Variants in C8orf58 observed in about 807,000 individuals in gnomAD.
C8orf58 encodes the protein uncharacterized protein C8orf58.
Under a neutral mutation model 36.8 loss-of-function variants are expected in C8orf58, and 31 were observed. The observed-to-expected ratio is 0.84, with a 90% CI of 0.63 to 1.14. The LOEUF (loss-of-function observed/expected upper bound fraction) is 1.14. C8orf58 is among the 50% of genes most tolerant of loss of function. The pLI is 0.00. For missense variants in C8orf58, 538 were observed against 480.8 expected, an observed-to-expected ratio of 1.12 and a Z score of -1.11; for synonymous variants, 230 against 200.2, an observed-to-expected ratio of 1.15 and a Z score of -1.26.
chr8:22,600,967 G>C lies in C8orf58; in HGVS notation c.126G>C (p.Gly42=), dbSNP rs1274120041. 1 of 1,612,712 alleles carries C rather than the reference G, an allele frequency of 6.2e-7. No individual in the cohort carries two copies. The highest frequency in any genetic ancestry group is 2.2e-5 in the East Asian group (1 of 44,892). Residue 42 remains glycine, a synonymous_variant, in exon 2 of 7, where the codon GGG becomes GGC. Coordinates refer to ENST00000289989, the MANE Select transcript of C8orf58 (RefSeq NM_001013842.3). The stretch of plus-strand genomic sequence containing the variant: ...GACGGATCCCCGACGCTGCCCACGG[G>C]TGCTCATCCTGGGAGAGAGGTGACA... ...TYRRIPDAAH[G]CSSWERGDKF...
rs1800926584 is a variant in C8orf58, at chr8:22,603,231, C to G, written c.1023C>G (p.Cys341Trp). 6.2e-7 allele frequency: 1 copy of G among 1,613,942 alleles called. No individual in the cohort carries two copies. Residue 341 changes from cysteine (C) to tryptophan (W), a missense_variant, in exon 7 of 7, where the codon TGC (cysteine) becomes TGG (tryptophan). Physicochemically the swap from Cys to Trp is radical, Grantham distance 215. Transcript: ENST00000289989. ...GGGACCTCCCTGAAAGGCCTCAGTG[C>G]CGCCCCCACCGGAAGACCTTTATGC... is the stretch of plus-strand genomic sequence containing the variant. ...ESRDLPERPQ[C>W]RPHRKTFMPS...
rs1434108485 is a variant in C8orf58 at position 22,603,351 on chromosome 8, G to A, written c.*45G>A. 1 of 1,375,276 alleles carries A rather than the reference G, an allele frequency of 7.3e-7. No homozygotes were observed. Among genetic ancestry groups the A allele is most frequent in the Non-Finnish European group, 1.0e-6 (1 of 962,742 alleles). 85.2% of individuals were successfully genotyped at this position (1,375,276 alleles called of 1,614,324 possible). A position where few individuals can be genotyped will look rare whatever the true frequency, so the allele number is the denominator to read the frequency against. On this transcript the variant is annotated 3_prime_UTR_variant, in exon 7 of 7. Coordinates refer to ENST00000289989, the MANE Select transcript of C8orf58 (RefSeq NM_001013842.3). The stretch of plus-strand genomic sequence containing the variant: ...TGACCCTGGGTGGAGGGGACTTGCT[G>A]TGAAGTCTTCCTCGCCCTCTGCCCT...
rs1330675595 is a variant in C8orf58, at chr8:22,600,949, C to T, written c.108C>T (p.Ile36=). Residue 36 remains isoleucine, a synonymous_variant, in exon 2 of 7, where the codon ATC becomes ATT. Transcript: ENST00000289989. ...GAGTCACCAGCACCTACAGACGGAT[C>T]CCCGACGCTGCCCACGGGTGCTCAT... is the stretch of plus-strand genomic sequence containing the variant. ...VPGVTSTYRR[I]PDAAHGCSSW... 1.9e-6 allele frequency: 3 copies of T among 1,612,484 alleles called. No homozygotes were observed. The highest frequency in any genetic ancestry group is 1.1e-5 in the South Asian group (1 of 91,052).
Position 22,602,675 on chromosome 8 carries a change from C to T in C8orf58, c.986+32C>T, listed in dbSNP as rs764127205. The T allele has an allele frequency of 1.0e-4, 141 of 1,362,306 alleles. 1 individual carries two copies. In the South Asian group the frequency reaches 1.6e-3, roughly 15 times the overall value. The allele number at this position is 1,362,306 out of a possible 1,614,324, so 84.4% of individuals were successfully genotyped here. A position where few individuals can be genotyped will look rare whatever the true frequency, so the allele number is the denominator to read the frequency against. On this transcript the variant is annotated intron_variant, in intron 6 of 6. Transcript: ENST00000289989. ...CCCGTGCCCAGCCCAGGTTAGGGCACGGAGAGGAGACTGATAAGCCAGGAT... is the reference window on the plus strand; with the variant it reads ...CCCGTGCCCAGCCCAGGTTAGGGCATGGAGAGGAGACTGATAAGCCAGGAT...
chr8:22,602,385 C>T lies in C8orf58; in HGVS notation c.879+73C>T, dbSNP rs569257231. ...AGGGGAGGTGGGGGATGCATGGGCA[C>T]CCTGGGGGCCAGCAACTCTGGGGAA... On this transcript the variant is annotated intron_variant, in intron 5 of 6. Transcript: ENST00000289989. The T allele has an allele frequency of 3.8e-6, 5 of 1,318,120 alleles. No homozygotes were observed. The African/African-American group carries it at 4.4e-5, about 12-fold the overall frequency. 81.7% of individuals were successfully genotyped at this position (1,318,120 alleles called of 1,614,324 possible).
intron 5 of C8orf58, 69 bp from the exon 6 acceptor site, chr8:22,602,468 G>C (rs1331722761): frequency 7.1e-7 from 1 of 1,417,648 alleles, no homozygotes; most frequent in Admixed American, 1.8e-5. Flanking sequence ...GGCGACAGCT[G>C]TCTCTGGGAG....
At position 22,603,296 on chromosome 8, in the gene C8orf58, C is replaced by T. The variant is rs1009144729; in HGVS notation, c.1088C>T (p.Ser363Phe). The change falls in exon 7 of 7, where the codon TCT becomes TTT. Residue 363 changes from serine (S) to phenylalanine (F), a missense_variant. Coordinates refer to ENST00000289989, the MANE Select transcript of C8orf58 (RefSeq NM_001013842.3). Reference protein sequence around the residue: ...VVKKQRAKNLSVG With the variant: ...VVKKQRAKNLFVG The stretch of plus-strand genomic sequence containing the variant: ...AAGAAGCAACGAGCAAAAAACCTTT[C>T]TGTAGGCTGAGACCTCTCGGTGCAC... 3 of 1,613,130 alleles carry T rather than the reference C, an allele frequency of 1.9e-6. No individual in the cohort carries two copies. The highest frequency in any genetic ancestry group is 1.7e-6 in the Non-Finnish European group (2 of 1,179,220).
rs368576442 is a variant in C8orf58, at chr8:22,601,784, C to T, written c.589C>T (p.Leu197=). ...QGLRYLEHLC[L]VLEQMARLQQ... Reference sequence around the variant, plus strand: ...TCTTCGCTATCTGGAACACCTGTGCCTGGTGCTGGAGCAGATGGCAAGGCT... The same window carrying T: ...TCTTCGCTATCTGGAACACCTGTGCTTGGTGCTGGAGCAGATGGCAAGGCT... Residue 197 remains leucine (L), a synonymous_variant, in exon 3 of 7, where the codon CTG becomes TTG. Transcript: ENST00000289989. 5 of 1,612,526 alleles carry T rather than the reference C, an allele frequency of 3.1e-6. No homozygotes were observed. The highest frequency in any genetic ancestry group is 2.5e-6 in the Non-Finnish European group (3 of 1,179,826).
In C8orf58 at chr8:22,602,082, T is replaced by G; in HGVS notation, c.766+2T>G. Reference sequence around the variant, plus strand: ...TGCTAAGCCAGACAGAGCACACAGGTGAGGGGCCATCGTGTCTCCCTTTGT... The same window carrying G: ...TGCTAAGCCAGACAGAGCACACAGGGGAGGGGCCATCGTGTCTCCCTTTGT... On this transcript the variant is annotated splice_donor_variant, in intron 4 of 6. Transcript: ENST00000289989. LOFTEE classifies it high-confidence loss of function. 6.4e-7 allele frequency: 1 copy of G among 1,565,832 alleles called. No homozygotes were observed. Among genetic ancestry groups the G allele is most frequent in the Non-Finnish European group, 8.7e-7 (1 of 1,154,446 alleles).
intron 6 of C8orf58, 169 bp from the exon 7 acceptor site, chr8:22,603,025 GC>G: frequency 1.6e-6 from 1 of 613,560 alleles, no homozygotes; most frequent in Non-Finnish European, 2.9e-6. Flanking sequence ...ATGCTTCGGG[GC>G]TTGTATTGAA....
rs768927412 is a variant in C8orf58 at position 22,601,367 on chromosome 8, C to A, written c.516+10C>A. The stretch of plus-strand genomic sequence containing the variant: ...CCTGGAAGAAGAGGCGGTGAGTGCT[C>A]ACTCTCAGGCTGGGTTTAAGAGTGG... On this transcript the variant is annotated intron_variant, in intron 2 of 6. Coordinates refer to ENST00000289989, the MANE Select transcript of C8orf58 (RefSeq NM_001013842.3). 1.4e-5 allele frequency: 21 copies of A among 1,539,860 alleles called. No homozygotes were observed. In the East Asian group the frequency reaches 4.3e-4, roughly 31 times the overall value.
intron 1 of C8orf58, chr8:22,600,053 C>T: frequency 3.5e-6 from 1 of 286,172 alleles, no homozygotes; most frequent in Non-Finnish European, 6.5e-6. Context: ...GGAATCCGCC[C>T]GCGCCCCAGC....
Position 22,603,526 on chromosome 8 carries a change from C to T in C8orf58, c.*220C>T, listed in dbSNP as rs1250100228. ...AGATGCCGCAGCTCCAGGGCTCTTCCTCCTCACCAGAAATCCCTGGGCTTC... is the reference window on the plus strand; with the variant it reads ...AGATGCCGCAGCTCCAGGGCTCTTCTTCCTCACCAGAAATCCCTGGGCTTC... On this transcript the variant is annotated 3_prime_UTR_variant, in exon 7 of 7. Transcript: ENST00000289989. 8.5e-6 allele frequency: 5 copies of T among 589,520 alleles called. No individual in the cohort carries two copies. Among genetic ancestry groups the T allele is most frequent in the Non-Finnish European group, 1.5e-5 (5 of 327,602 alleles). The allele number at this position is 589,520 out of a possible 1,614,324, so 36.5% of individuals were successfully genotyped here.
In C8orf58 at chr8:22,601,155, T is replaced by G. The variant is rs940786741; in HGVS notation, c.314T>G (p.Val105Gly). 1.6e-5 allele frequency: 26 copies of G among 1,610,642 alleles called. No homozygotes were observed. Among genetic ancestry groups the G allele is most frequent in the Non-Finnish European group, 2.2e-5 (26 of 1,179,322 alleles). ...GGGAGTTCTGAGCCCCCCGCCCAGG[T>G]AGGCCGACTCCTGGCCAGCCAGAAG... Reference protein sequence around the residue: ...SSGSSEPPAQVGRLLASQKLG... With the variant: ...SSGSSEPPAQGGRLLASQKLG... The change falls in exon 2 of 7, where the codon GTA (valine) becomes GGA (glycine). Residue 105 changes from valine (V) to glycine (G), a missense_variant. Val to Gly is a moderately radical substitution (Grantham distance 109). Transcript: ENST00000289989.
intron 2 of C8orf58, 139 bp from the exon 3 acceptor site, chr8:22,601,573 G>A (rs1259200309): frequency 1.9e-5 from 22 of 1,136,470 alleles, no homozygotes; most frequent in Non-Finnish European, 2.5e-5. Flanking sequence ...GCCCCGCTGG[G>A]CAGTGGGGAA....
chr8:22,600,141 C>T (rs1456185652), intron 1 of C8orf58: 2 of 183,708 alleles, frequency 1.1e-5, no homozygotes, highest in East Asian at 2.6e-4. Context: ...CCTGGGTTGG[C>T]ATTCGGCTCC....
intron 6 of C8orf58, 70 bp from the exon 7 acceptor site, chr8:22,603,125 C>A: frequency 8.5e-7 from 1 of 1,180,326 alleles, no homozygotes; most frequent in Non-Finnish European, 1.3e-6. Flanking sequence ...AAACCACGTT[C>A]TCTCAACTCT....
chr8:22,603,001 G>A, intron 6 of C8orf58, 194 bp from the exon 7 acceptor site: 3 of 604,774 alleles, frequency 5.0e-6, no homozygotes, highest in South Asian at 4.0e-5. Context: ...ATTTCACAGT[G>A]GGTGAAGGCC....
chr8:22,602,945 A>G, intron 6 of C8orf58: 1 of 590,576 alleles, frequency 1.7e-6, no homozygotes. Flanking sequence ...GCTGACATTT[A>G]GGCCACCTTC....
Sources: gnomAD v4.1 joint callset for allele counts on GRCh38, gnomAD v4.1.1 for gene constraint, MANE v1.5 for transcripts, NCBI Gene and HGNC (gene_info 2026-07-23, HGNC 2026-07-21) for gene names.